The following PLCH1 variants were observed in gnomAD, a reference collection of about 807,000 sequenced individuals.
The protein encoded by PLCH1 is 1-phosphatidylinositol 4,5-bisphosphate phosphodiesterase eta-1.
A neutral mutation model predicts 126.7 loss-of-function variants in PLCH1; 60 were observed. The ratio of observed to expected loss-of-function variants is 0.47; its 90% CI spans 0.38 to 0.59. The LOEUF is 0.59. PLCH1 is among the 20% of genes least tolerant of loss of function. The pLI, the probability that PLCH1 is intolerant of heterozygous loss-of-function variation, is 0.00. For synonymous variants in PLCH1, 719 were observed against 734.9 expected (o/e 0.98, Z 0.35); for missense variants, 1,723 against 2,040.0 (o/e 0.84, Z 2.99).
intron 1 of PLCH1, among the ~76,000 whole-genome samples, chr3:155,720,656 T>C (rs942806780): frequency 3.3e-5 from 5 of 152,236 alleles, no homozygotes; most frequent in African/African-American, 4.8e-5. Flanking sequence ...GAAGATTTTC[T>C]CCCACTCGGT....
chr3:155,594,163 T>G lies in PLCH1; in HGVS notation c.248A>C (p.Lys83Thr). The G allele has an allele frequency of 6.2e-7, 1 of 1,613,960 alleles. No individual in the cohort carries two copies. The highest frequency in any genetic ancestry group is 8.5e-7 in the Non-Finnish European group (1 of 1,179,870). The change falls in exon 4 of 23, where the codon AAA becomes ACA. Residue 83 changes from lysine (K) to threonine (T), a missense_variant. Lys to Thr is a moderately conservative substitution (Grantham distance 78). Around this residue, in one of 2 missense-constraint regions of PLCH1, gnomAD observed 776 missense variants for 1,062.9 expected, o/e 0.73. Transcript: ENST00000460012. Reference protein sequence around the residue: ...KAKILIDSIYKVTEGRQSEIF... With the variant: ...KAKILIDSIYTVTEGRQSEIF... Reference sequence around the variant, plus strand: ...TTCAGACTGCCGGCCCTCAGTCACTTTGTAAATGGAATCAATAAGTACTGT... The same window carrying G: ...TTCAGACTGCCGGCCCTCAGTCACTGTGTAAATGGAATCAATAAGTACTGT...
chr3:155,607,774 G>C (rs149631963), intron 2 of PLCH1, among the ~76,000 whole-genome samples: 98 of 152,190 alleles, frequency 6.4e-4, no homozygotes, highest in South Asian at 4.0e-3. Context: ...TCAAAATATA[G>C]GCATTTGGGA....
chr3:155,580,649 G>C (rs1406229514), intron 6 of PLCH1, among the ~76,000 whole-genome samples: 1 of 152,022 alleles, frequency 6.6e-6, no homozygotes, highest in Admixed American at 6.6e-5. Context: ...AAAACTAAGT[G>C]AGCATGATTT....
chr3:155,645,736 A>T (rs752756133), intron 2 of PLCH1, among the ~76,000 whole-genome samples: 4 of 152,042 alleles, frequency 2.6e-5, no homozygotes, highest in Non-Finnish European at 4.4e-5. Flanking sequence ...AAGTGCTGGG[A>T]GAAGTTTTTT....
At position 155,737,231 on chromosome 3, in the gene PLCH1, CAAAAA is replaced by C. The variant is rs557369057; in HGVS notation, c.-41+7604_-41+7608del. Reference sequence around the variant, plus strand: ...TGGGTGACAGAGCAAGCCTCCGTCTCAAAAAAAAAAAAAAAAAAGAGTATATGGTG... The same window carrying C: ...TGGGTGACAGAGCAAGCCTCCGTCTCAAAAAAAAAAAAAGAGTATATGGTG... On this transcript the variant is annotated intron_variant, in intron 1 of 22. Coordinates refer to ENST00000460012, the MANE Select transcript of PLCH1 (RefSeq NM_014996.4). Among the ~76,000 whole-genome samples the C allele has an allele frequency of 1.8e-3, 105 of 59,544 alleles. 5 individuals are homozygous for C. Among genetic ancestry groups the C allele is most frequent in the African/African-American group, 5.4e-3 (95 of 17,456 alleles). The allele number at this position is 59,544 out of a possible 152,430, so 39.1% of individuals were successfully genotyped here.
intron 2 of PLCH1, among the ~76,000 whole-genome samples, chr3:155,677,458 T>G (rs900084250): frequency 1.3e-5 from 2 of 152,224 alleles, no homozygotes; most frequent in African/African-American, 4.8e-5. Flanking sequence ...AATATCCTTC[T>G]TGCAAGATTC....
intron 1 of PLCH1, among the ~76,000 whole-genome samples, chr3:155,709,693 C>T (rs1362594542): frequency 6.6e-6 from 1 of 152,162 alleles, no homozygotes; most frequent in Non-Finnish European, 1.5e-5. Context: ...CAAGGCTCAA[C>T]TGCAGCCTCG....
intron 3 of PLCH1, among the ~76,000 whole-genome samples, chr3:155,594,573 C>CA (rs199818570): frequency 1.1e-3 from 163 of 149,870 alleles, no homozygotes; most frequent in Admixed American, 9.0e-3. Flanking sequence ...ATTCCATCTC[C>CA]AAAAAAAAAT....
intron 21 of PLCH1, among the ~76,000 whole-genome samples, chr3:155,466,583 T>C (rs1427904677): frequency 6.6e-6 from 1 of 152,168 alleles, no homozygotes; most frequent in Non-Finnish European, 1.5e-5. Flanking sequence ...GCTCAGACAC[T>C]GAAGAACATC....
At chr3:155,513,531 G>A (rs1719897926) in intron 12 of PLCH1, among the ~76,000 whole-genome samples, 1 of 152,144 alleles carries the variant, frequency 6.6e-6, no homozygotes, top group African/African-American at 2.4e-5. Context: ...AGTTCACCAA[G>A]GACAAGAAGC....
rs539196100 is a variant in PLCH1, at chr3:155,701,524, T to C, written c.79+2622A>G. ...TTATTCTGCACGGGAAATGGTTCTT[T>C]TCCATTTATGGAAGAAGTTTTGTTT... On this transcript the variant is annotated intron_variant, in intron 2 of 22. Transcript: ENST00000460012. Among the ~76,000 whole-genome samples, 11 of 152,318 alleles carry C rather than the reference T, an allele frequency of 7.2e-5. 1 individual carries two copies. In the South Asian group the frequency reaches 2.3e-3, roughly 32 times the overall value.
At position 155,482,811 on chromosome 3, in the gene PLCH1, G is replaced by A; in HGVS notation, c.3215C>T (p.Pro1072Leu). ...CTGCTTTGGGGAGAGAGACTTGCTGGGACAGGGGTTTTCCTGGCAATTGCT... is the reference window on the plus strand; with the variant it reads ...CTGCTTTGGGGAGAGAGACTTGCTGAGACAGGGGTTTTCCTGGCAATTGCT... ...ATSNCQENPC[P>L]SKSLSPKQHL... The change falls in exon 23 of 23, where the codon CCC (proline) becomes CTC (leucine). Residue 1072 changes from proline (P) to leucine (L), a missense_variant. Pro to Leu is a moderately conservative substitution (Grantham distance 98, BLOSUM62 -3). Around this residue, in one of 2 missense-constraint regions of PLCH1, gnomAD observed 947 missense variants for 977.1 expected, o/e 0.97. Coordinates refer to ENST00000460012, the MANE Select transcript of PLCH1 (RefSeq NM_014996.4). 1 of 1,614,064 alleles carries A rather than the reference G, an allele frequency of 6.2e-7. No homozygotes were observed. The highest frequency in any genetic ancestry group is 8.5e-7 in the Non-Finnish European group (1 of 1,180,032).
rs142088183 is a variant in PLCH1, at chr3:155,513,509, T to C, written c.1632+1214A>G. On this transcript the variant is annotated intron_variant, in intron 12 of 22. Transcript: ENST00000460012. ...GCATAAGGGAAGTAACTGGCCCAGA[T>C]AAGCCAATGAGAGTTCACCAAGGAC... 1.5e-3 allele frequency among the ~76,000 whole-genome samples: 236 copies of C among 152,294 alleles called. 1 individual carries two copies. The highest frequency in any genetic ancestry group is 5.4e-3 in the African/African-American group (224 of 41,574).
At chr3:155,527,676 G>A (rs1722134245) in intron 10 of PLCH1, among the ~76,000 whole-genome samples, 1 of 152,004 alleles carries the variant, frequency 6.6e-6, no homozygotes, top group Non-Finnish European at 1.5e-5. Flanking sequence ...AGCCCTTTGG[G>A]AGGCCGAGGG....
At chr3:155,462,908 A>G (rs1372287722) in intron 21 of PLCH1, among the ~76,000 whole-genome samples, 1 of 152,224 alleles carries the variant, frequency 6.6e-6, no homozygotes, top group Non-Finnish European at 1.5e-5. Context: ...ACCTGGAAAT[A>G]CAGGAAGTGA....
At chr3:155,723,645 G>T (rs1476923261) in intron 1 of PLCH1, among the ~76,000 whole-genome samples, 1 of 152,010 alleles carries the variant, frequency 6.6e-6, no homozygotes, top group Non-Finnish European at 1.5e-5. Context: ...TTATCATTCA[G>T]TTCAAATAAT....
chr3:155,471,389 T>A (rs1296738745), intron 21 of PLCH1, among the ~76,000 whole-genome samples: 2 of 151,764 alleles, frequency 1.3e-5, no homozygotes, highest in Non-Finnish European at 2.9e-5. Context: ...ATCCTAAATA[T>A]ATATGCGCCC....
rs1716695178 is a variant in PLCH1, at chr3:155,494,363, G to A, written c.2049C>T (p.Pro683=). The A allele has an allele frequency of 1.9e-6, 3 of 1,614,064 alleles. No homozygotes were observed. Among genetic ancestry groups the A allele is most frequent in the East Asian group, 2.2e-5 (1 of 44,900 alleles). The change falls in exon 16 of 23, where the codon CCC becomes CCT. Residue 683 remains proline (P), a synonymous_variant. Coordinates refer to ENST00000460012, the MANE Select transcript of PLCH1 (RefSeq NM_014996.4). ...RIDSSNFNPL[P]YWNAGCQLVA... ...CTAGCTGGCAGCCTGCGTTCCAGTAGGGGAGAGGGTTGAAGTTACTGGAAT... is the reference window on the plus strand; with the variant it reads ...CTAGCTGGCAGCCTGCGTTCCAGTAAGGGAGAGGGTTGAAGTTACTGGAAT...
chr3:155,458,026 G>C (rs1054242760), intron 21 of PLCH1, among the ~76,000 whole-genome samples: 4 of 152,156 alleles, frequency 2.6e-5, no homozygotes, highest in African/African-American at 9.7e-5. Flanking sequence ...AGAGGCTCCA[G>C]CTTCCTCAGG....
Sources: gnomAD v4.1 joint callset for allele counts (sites outside exome capture counted in the v4.1 genomes callset) on GRCh38, gnomAD v4.1.1 for gene constraint, gnomAD v4.1.1 regional missense constraint, MANE v1.5 for transcripts, NCBI Gene and HGNC (gene_info 2026-07-23, HGNC 2026-07-21) for gene names.